Variants in RPP30 observed in about 807,000 individuals in gnomAD.
The protein encoded by RPP30 is ribonuclease P/MRP subunit p30.
RPP30 carries 36 observed loss-of-function variants against 38.6 expected under a neutral mutation model. The ratio of observed to expected loss-of-function variants is 0.93; its 90% CI spans 0.71 to 1.23. The LOEUF is 1.23. Ranked by LOEUF, RPP30 falls within the 50% of genes most tolerant of loss-of-function variation. The pLI, the probability that RPP30 is intolerant of heterozygous loss-of-function variation, is 0.00. For missense variants in RPP30, 321 were observed against 321.7 expected, an observed-to-expected ratio of 1.00 and a Z score of 0.02; for synonymous variants, 126 against 112.7, an observed-to-expected ratio of 1.12 and a Z score of -0.75.
chr10:90,903,045 C>G (rs1847220702), downstream of RPP30: 2 of 648,878 alleles, frequency 3.1e-6, no homozygotes, highest in Admixed American at 5.9e-5. Context: ...AAAACTAAGT[C>G]AACACTTTGG....
At position 90,885,845 on chromosome 10, in the gene RPP30, T is replaced by C. The variant is rs777511045; in HGVS notation, c.376T>C (p.Cys126Arg). The C allele has an allele frequency of 6.2e-7, 1 of 1,611,846 alleles. No homozygotes were observed. Among genetic ancestry groups the C allele is most frequent in the South Asian group, 1.1e-5 (1 of 90,738 alleles). Residue 126 changes from cysteine (C) to arginine (R), a missense_variant, in exon 6 of 11, where the codon TGC (cysteine) becomes CGC (arginine). Transcript: ENST00000371703. Reference sequence around the variant, plus strand: ...CACACATTTAGATGTGGATTTAGTCTGCATAACTGTAACAGAGAAACTACC... The same window carrying C: ...CACACATTTAGATGTGGATTTAGTCCGCATAACTGTAACAGAGAAACTACC... ...ACTHLDVDLVCITVTEKLPFY... is the reference protein window; with the variant it reads ...ACTHLDVDLVRITVTEKLPFY...
At chr10:90,881,691 G>A (rs768347772) in intron 5 of RPP30, among the ~76,000 whole-genome samples, 5 of 152,024 alleles carry the variant, frequency 3.3e-5, no homozygotes, top group Admixed American at 1.3e-4. Context: ...AGCTTTTATA[G>A]GTATATCATG....
intron 9 of RPP30, 115 bp downstream of exon 9, chr10:90,896,032 T>G: frequency 1.3e-6 from 1 of 791,688 alleles, no homozygotes; most frequent in East Asian, 2.6e-5. Flanking sequence ...AGTTTACCAA[T>G]TAATAACTTC....
chr10:90,875,432 A>T, intron 2 of RPP30, 126 bp from the exon 3 acceptor site: 1 of 731,808 alleles, frequency 1.4e-6, no homozygotes, highest in Non-Finnish European at 2.3e-6. Flanking sequence ...TTTGAATACC[A>T]GAAATCACCT....
At position 90,876,121 on chromosome 10, in the gene RPP30, C is replaced by G. The variant is rs77229795; in HGVS notation, c.270+23C>G. 3.8e-3 allele frequency: 5,419 copies of G among 1,413,574 alleles called. 162 individuals are homozygous for G. The African/African-American group carries it at 0.066, about 17-fold the overall frequency. 87.6% of individuals were successfully genotyped at this position (1,413,574 alleles called of 1,614,324 possible). On this transcript the variant is annotated intron_variant, in intron 4 of 10. Transcript: ENST00000371703. ...TTGGTAAGTTAATTATTTTTCTTCTCTCCTTTTGGCTTTGTGAGTTGTATT... is the reference window on the plus strand; with the variant it reads ...TTGGTAAGTTAATTATTTTTCTTCTGTCCTTTTGGCTTTGTGAGTTGTATT...
downstream of RPP30, chr10:90,905,888 A>C (rs1352146813): frequency 2.0e-5 from 3 of 152,232 alleles, no homozygotes; most frequent in Non-Finnish European, 4.4e-5. Flanking sequence ...AATGTCTTAA[A>C]TGTGAAAATG....
At chr10:90,878,673 T>G (rs1027435180) in intron 4 of RPP30, among the ~76,000 whole-genome samples, 1 of 152,138 alleles carries the variant, frequency 6.6e-6, no homozygotes, top group Non-Finnish European at 1.5e-5. Context: ...TAAATTTTTT[T>G]GCAGTGATGG....
chr10:90,875,468 A>AT lies in RPP30; in HGVS notation c.139-84dup, dbSNP rs1239712252. On this transcript the variant is annotated intron_variant, in intron 2 of 10. Transcript: ENST00000371703. ...TGCTTTCTTTTTAAAAAAAATGCATATTTTTTCTGAGAACACCTCGTAATT... is the reference window on the plus strand; with the variant it reads ...TGCTTTCTTTTTAAAAAAAATGCATATTTTTTTCTGAGAACACCTCGTAATT... 3.9e-5 allele frequency: 40 copies of AT among 1,020,814 alleles called. 1 individual carries two copies. Among genetic ancestry groups the AT allele is most frequent in the Admixed American group, 3.9e-4 (18 of 46,506 alleles). 63.2% of individuals were successfully genotyped at this position (1,020,814 alleles called of 1,614,324 possible). A position where few individuals can be genotyped will look rare whatever the true frequency, so the allele number is the denominator to read the frequency against.
chr10:90,873,216 C>T (rs1479118263), intron 1 of RPP30, among the ~76,000 whole-genome samples: 1 of 152,070 alleles, frequency 6.6e-6, no homozygotes, highest in African/African-American at 2.4e-5. Context: ...AAACTGAACA[C>T]ATTAAAAAAA....
rs1388809087 is a variant in RPP30 at position 90,874,404 on chromosome 10, AG to A, written c.83-464del. 3.3e-5 allele frequency among the ~76,000 whole-genome samples: 5 copies of A among 152,340 alleles called. 1 individual carries two copies. The East Asian group carries it at 9.6e-4, about 29-fold the overall frequency. Reference sequence around the variant, plus strand: ...AGGAAGTAGAAGGATAAAAAGCAAAAGAAATGAACGGGAATAAAAGTGACAG... The same window carrying A: ...AGGAAGTAGAAGGATAAAAAGCAAAAAAATGAACGGGAATAAAAGTGACAG... On this transcript the variant is annotated intron_variant, in intron 1 of 10. Coordinates refer to ENST00000371703, the MANE Select transcript of RPP30 (RefSeq NM_006413.5).
rs1204836538 is a variant in RPP30 at position 90,900,825 on chromosome 10, A to G, written c.*146A>G. 4.5e-6 allele frequency: 6 copies of G among 1,345,456 alleles called. No individual in the cohort carries two copies. In the Admixed American group the frequency reaches 1.1e-4, roughly 24 times the overall value. 83.3% of individuals were successfully genotyped at this position (1,345,456 alleles called of 1,614,324 possible). A position where few individuals can be genotyped will look rare whatever the true frequency, so the allele number is the denominator to read the frequency against. ...ATAAAAACAGTTTTACTTGCAATCC[A>G]TTAAAACAACAAACGAAACCTAGTG... On this transcript the variant is annotated 3_prime_UTR_variant, in exon 11 of 11. Coordinates refer to ENST00000371703, the MANE Select transcript of RPP30 (RefSeq NM_006413.5).
chr10:90,897,710 A>C (rs1046175954), intron 10 of RPP30, among the ~76,000 whole-genome samples: 8 of 152,222 alleles, frequency 5.3e-5, no homozygotes, highest in African/African-American at 1.9e-4. Flanking sequence ...TTTTATATAT[A>C]GGAAAATAGG....
intron 1 of RPP30, among the ~76,000 whole-genome samples, chr10:90,873,452 A>G (rs568134554): frequency 1.3e-5 from 2 of 152,348 alleles, no homozygotes; most frequent in South Asian, 4.1e-4. Context: ...TTTGCAAAGA[A>G]TAGGAAAGAC....
intron 10 of RPP30, among the ~76,000 whole-genome samples, chr10:90,899,614 A>G (rs999010670): frequency 4.6e-5 from 7 of 152,112 alleles, no homozygotes; most frequent in African/African-American, 1.2e-4. Flanking sequence ...TTCCTACTTC[A>G]CATCAGCCAT....
intron 6 of RPP30, 48 bp downstream of exon 6, chr10:90,885,949 G>A (rs2120204174): frequency 8.4e-7 from 1 of 1,195,976 alleles, no homozygotes; most frequent in Non-Finnish European, 1.2e-6. Flanking sequence ...ACTTACATTA[G>A]CAAATTGGAA....
chr10:90,888,457 G>T (rs956493261), intron 6 of RPP30, among the ~76,000 whole-genome samples: 1 of 152,144 alleles, frequency 6.6e-6, no homozygotes, highest in East Asian at 1.9e-4. Flanking sequence ...AGAGAACACC[G>T]GCTGTCATGG....
chr10:90,906,334 G>A (rs1038159065), downstream of RPP30, among the ~76,000 whole-genome samples: 8 of 152,116 alleles, frequency 5.3e-5, no homozygotes, highest in African/African-American at 1.9e-4. Flanking sequence ...CCAGGGAGCT[G>A]GCACAGTATG....
chr10:90,885,445 C>T (rs575070184), intron 5 of RPP30, among the ~76,000 whole-genome samples: 1 of 152,250 alleles, frequency 6.6e-6, no homozygotes, highest in East Asian at 1.9e-4. Context: ...CTTATTTTTT[C>T]CTTGGGTTTT....
At chr10:90,895,698 CA>C (rs1847131685) in intron 8 of RPP30, 181 bp from the exon 9 acceptor site, 1 of 520,066 alleles carries the variant, frequency 1.9e-6, no homozygotes, top group African/African-American at 2.0e-5. Context: ...TATACTGTTA[CA>C]AAATGCCTTT....
Sources: allele counts gnomAD v4.1 joint callset (sites outside exome capture counted in the v4.1 genomes callset), GRCh38; gene constraint gnomAD v4.1.1; transcripts MANE v1.5; gene names NCBI Gene and HGNC (gene_info 2026-07-23, HGNC 2026-07-21).